The following CDKAL1 variants were observed in gnomAD, a reference collection of about 807,000 sequenced individuals.
CDKAL1 encodes the protein threonylcarbamoyladenosine tRNA methylthiotransferase.
CDKAL1 carries 32 observed loss-of-function variants against 68.2 expected under a neutral mutation model. The observed-to-expected ratio is 0.47, with a 90% CI of 0.35 to 0.63. The LOEUF (loss-of-function observed/expected upper bound fraction) is 0.63, where lower values mean the gene tolerates loss of function less well. Among genes scored for constraint, CDKAL1 ranks in the 30% least tolerant of loss-of-function variants. The pLI is 0.00. For synonymous variants in CDKAL1, 234 were observed against 244.3 expected (o/e 0.96, Z 0.39); for missense variants, 606 against 696.7 (o/e 0.87, Z 1.47).
chr6:20,556,753 A>T (rs1477298644), intron 4 of CDKAL1, among the ~76,000 whole-genome samples: 1 of 151,992 alleles, frequency 6.6e-6, no homozygotes. Flanking sequence ...ACATCCTGAC[A>T]TAGGCCAGGT....
chr6:20,743,649 C>T (rs1413231185), intron 6 of CDKAL1, among the ~76,000 whole-genome samples: 1 of 152,160 alleles, frequency 6.6e-6, no homozygotes. Context: ...ATCTGTCCCA[C>T]TCTCTCCTGA....
At chr6:20,616,839 C>CCCCACA (rs1554164140) in intron 4 of CDKAL1, among the ~76,000 whole-genome samples, 2 of 121,394 alleles carry the variant, frequency 1.6e-5, no homozygotes, top group Non-Finnish European at 3.3e-5. Context: ...CCCGACTCTA[C>CCCCACA]CACACACACA....
At chr6:21,230,751 A>G in intron 15 of CDKAL1, 97 bp from the exon 16 acceptor site, 1 of 960,454 alleles carries the variant, frequency 1.0e-6, no homozygotes, top group Non-Finnish European at 1.5e-6. Context: ...GAGTACATAA[A>G]AGGCGGCACC....
chr6:20,740,115 A>G (rs897206667), intron 6 of CDKAL1, among the ~76,000 whole-genome samples: 2 of 152,194 alleles, frequency 1.3e-5, no homozygotes, highest in African/African-American at 4.8e-5. Context: ...CTTACTGTGC[A>G]GTTACCTGTC....
intron 5 of CDKAL1, among the ~76,000 whole-genome samples, chr6:20,718,912 C>T (rs533885792): frequency 6.6e-5 from 10 of 152,278 alleles, no homozygotes; most frequent in South Asian, 6.2e-4. Flanking sequence ...AATCCTACCT[C>T]TAGGGGCAAA....
intron 11 of CDKAL1, among the ~76,000 whole-genome samples, chr6:21,026,443 C>A (rs543641212): frequency 2.6e-5 from 4 of 152,120 alleles, no homozygotes; most frequent in Non-Finnish European, 5.9e-5. Flanking sequence ...TGAGTCTCAT[C>A]TTTTGAATGA....
intron 8 of CDKAL1, among the ~76,000 whole-genome samples, chr6:20,793,337 T>C (rs1264773711): frequency 6.6e-6 from 1 of 152,164 alleles, no homozygotes; most frequent in Non-Finnish European, 1.5e-5. Context: ...ACAAAAATAA[T>C]GACAAGGTGT....
chr6:20,812,636 C>T (rs572526945), intron 8 of CDKAL1, among the ~76,000 whole-genome samples: 3 of 152,248 alleles, frequency 2.0e-5, no homozygotes, highest in Admixed American at 6.5e-5. Flanking sequence ...CTATCCAGTA[C>T]GTTCCCCTAT....
At chr6:20,717,006 G>A (rs1245325625) in intron 5 of CDKAL1, among the ~76,000 whole-genome samples, 1 of 152,028 alleles carries the variant, frequency 6.6e-6, no homozygotes, top group African/African-American at 2.4e-5. Context: ...GATCAGCTGT[G>A]TAAGTGTTGC....
chr6:21,165,416 G>A lies in CDKAL1; in HGVS notation c.1300-32605G>A, dbSNP rs962671599. ...CTAATGGATTCTTTTTATTTACTCC[G>A]AACAGTTCTAAAAGGATATAGCAAA... On this transcript the variant is annotated intron_variant, in intron 13 of 15. Transcript: ENST00000274695. Among the ~76,000 whole-genome samples, 5 of 152,192 alleles carry A rather than the reference G, an allele frequency of 3.3e-5. No homozygotes were observed. The East Asian group carries it at 5.8e-4, about 18-fold the overall frequency.
intron 5 of CDKAL1, among the ~76,000 whole-genome samples, chr6:20,650,635 A>G (rs1433518825): frequency 1.3e-5 from 2 of 152,124 alleles, no homozygotes; most frequent in African/African-American, 2.4e-5. Flanking sequence ...GCCTGTGCCT[A>G]TGTCCTGAAT....
chr6:20,720,562 A>G lies in CDKAL1; in HGVS notation c.372-18957A>G, dbSNP rs1394063950. Among the ~76,000 whole-genome samples the G allele has an allele frequency of 3.9e-5, 6 of 152,212 alleles. No individual in the cohort carries two copies. The East Asian group carries it at 1.2e-3, about 29-fold the overall frequency. On this transcript the variant is annotated intron_variant, in intron 5 of 15. Transcript: ENST00000274695. ...TTTTTTGTAGCCCAGGCTAGAGTGC[A>G]GTGGTGTGATCTCGGCTCACGGCAA...
intron 8 of CDKAL1, among the ~76,000 whole-genome samples, chr6:20,790,829 T>C (rs1407712167): frequency 6.6e-6 from 1 of 152,170 alleles, no homozygotes; most frequent in Non-Finnish European, 1.5e-5. Context: ...TGTCTGGGTC[T>C]GGGGCTTTTT....
At chr6:21,109,835 G>T (rs1400647615) in intron 13 of CDKAL1, among the ~76,000 whole-genome samples, 1 of 152,204 alleles carries the variant, frequency 6.6e-6, no homozygotes, top group Admixed American at 6.5e-5. Flanking sequence ...AACAAAAAAG[G>T]CGATGGCAAA....
chr6:20,716,022 G>A (rs9295478), intron 5 of CDKAL1, among the ~76,000 whole-genome samples: 53,163 of 151,974 alleles, frequency 0.35, 11,625 homozygotes, highest in African/African-American at 0.61. Flanking sequence ...GCTAGTGCGT[G>A]CTCATGGGAT....
Position 21,003,371 on chromosome 6 carries a change from T to TATACAC in CDKAL1, c.1055+3000_1055+3001insTACACA. Among the ~76,000 whole-genome samples the TATACAC allele has an allele frequency of 2.4e-3, 119 of 49,284 alleles. 2 individuals carry two copies. The highest frequency in any genetic ancestry group is 0.01 in the East Asian group (12 of 1,160). The allele number at this position is 49,284 out of a possible 152,430, so 32.3% of individuals were successfully genotyped here. A position where few individuals can be genotyped will look rare whatever the true frequency, so the allele number is the denominator to read the frequency against. On this transcript the variant is annotated intron_variant, in intron 11 of 15. Transcript: ENST00000274695. The stretch of plus-strand genomic sequence containing the variant: ...ATATATATATATATATATATATATA[T>TATACAC]ACACACACACACACACACATATATA...
Position 20,883,870 on chromosome 6 carries a change from A to G in CDKAL1, c.742+37692A>G, listed in dbSNP as rs529342873. On this transcript the variant is annotated intron_variant, in intron 9 of 15. Transcript: ENST00000274695. Reference sequence around the variant, plus strand: ...AATTGCACCCAGTAAAGAAAAATCTAGGACCAGATGGCATCACTGGTGAAT... The same window carrying G: ...AATTGCACCCAGTAAAGAAAAATCTGGGACCAGATGGCATCACTGGTGAAT... 2.8e-4 allele frequency among the ~76,000 whole-genome samples: 42 copies of G among 152,352 alleles called. 1 individual carries two copies. The highest frequency in any genetic ancestry group is 9.6e-4 in the African/African-American group (40 of 41,582).
At chr6:20,753,513 G>C (rs545032556) in intron 6 of CDKAL1, among the ~76,000 whole-genome samples, 1 of 152,298 alleles carries the variant, frequency 6.6e-6, no homozygotes, top group Non-Finnish European at 1.5e-5. Context: ...GGAGCAGTAG[G>C]CTATATCATA....
chr6:20,584,303 A>G (rs13205241), intron 4 of CDKAL1, among the ~76,000 whole-genome samples: 45 of 152,240 alleles, frequency 3.0e-4, no homozygotes, highest in Non-Finnish European at 5.4e-4. Context: ...GGTACTCTAC[A>G]GTGTGCTTAA....
Sources: gnomAD v4.1 joint callset for allele counts (sites outside exome capture counted in the v4.1 genomes callset) on GRCh38, gnomAD v4.1.1 for gene constraint, MANE v1.5 for transcripts, NCBI Gene and HGNC (gene_info 2026-07-23, HGNC 2026-07-21) for gene names.